The following MEGF11 variants were observed in gnomAD, a reference collection of about 807,000 sequenced individuals.
The protein encoded by MEGF11 is multiple EGF like domains 11, also known as multiple epidermal growth factor-like domains protein 11.
Under a neutral mutation model 146.6 loss-of-function variants are expected in MEGF11, and 126 were observed. The observed-to-expected ratio is 0.86, with a 90% CI of 0.74 to 1.00. The LOEUF (loss-of-function observed/expected upper bound fraction) is 1.00. MEGF11 is among the 50% of genes least tolerant of loss of function. The pLI is 0.00. For missense variants in MEGF11, 1,509 were observed against 1,521.2 expected (o/e 0.99, Z 0.13); for synonymous variants, 532 against 583.4 (o/e 0.91, Z 1.27).
chr15:66,167,186 C>T (rs1465930375), intron 1 of MEGF11, among the ~76,000 whole-genome samples: 1 of 152,150 alleles, frequency 6.6e-6, no homozygotes, highest in African/African-American at 2.4e-5. Context: ...TGGCTCCCAC[C>T]CTGGGGGTAA....
At chr15:66,222,339 A>G (rs1418450252) in intron 1 of MEGF11, among the ~76,000 whole-genome samples, 3 of 152,006 alleles carry the variant, frequency 2.0e-5, no homozygotes, top group Non-Finnish European at 2.9e-5. Context: ...CCTTCTCCAG[A>G]GCAAATTCTT....
Position 65,982,637 on chromosome 15 carries a change from C to T in MEGF11, c.395-149G>A, listed in dbSNP as rs115335840. The T allele has an allele frequency of 1.1e-3, 990 of 889,748 alleles. 14 individuals carry two copies. In the African/African-American group the frequency reaches 0.015, roughly 14 times the overall value. 55.1% of individuals were successfully genotyped at this position (889,748 alleles called of 1,614,324 possible). On this transcript the variant is annotated intron_variant, in intron 5 of 25. Coordinates refer to ENST00000395614, the MANE Select transcript of MEGF11 (RefSeq NM_001385028.1). The surrounding 1 kb of genome is among the most constrained non-coding windows in gnomAD (Gnocchi z 5.6). ...AAGGGGTGCCTGGAAGCTTTGGTGC[C>T]TCATAACCTGCATCAGTTCTTCCAC...
chr15:66,132,779 A>G (rs945223831), intron 1 of MEGF11, among the ~76,000 whole-genome samples: 4 of 152,034 alleles, frequency 2.6e-5, no homozygotes, highest in African/African-American at 9.7e-5. Context: ...CTCCCCTCCT[A>G]TATTTACCAC....
intron 15 of MEGF11, 123 bp from the exon 16 acceptor site, chr15:65,918,217 A>C (rs1362682850): frequency 1.4e-6 from 2 of 1,403,068 alleles, no homozygotes; most frequent in Non-Finnish European, 1.9e-6. Flanking sequence ...ATGGATCTGG[A>C]TGGAGACCAC....
intron 7 of MEGF11, among the ~76,000 whole-genome samples, chr15:65,979,392 T>C (rs2081557341): frequency 6.6e-6 from 1 of 152,220 alleles, no homozygotes; most frequent in African/African-American, 2.4e-5. Flanking sequence ...CCTGCATCGA[T>C]GGGCCCTGCA....
chr15:66,198,766 G>T (rs1056848530), intron 1 of MEGF11, among the ~76,000 whole-genome samples: 1 of 152,012 alleles, frequency 6.6e-6, no homozygotes, highest in Non-Finnish European at 1.5e-5. Context: ...TTACTGGTGT[G>T]AGCCACCGAG....
chr15:66,016,479 G>GTTTTT (rs58588643), intron 5 of MEGF11, among the ~76,000 whole-genome samples: 3 of 127,702 alleles, frequency 2.3e-5, no homozygotes, highest in Non-Finnish European at 3.2e-5. Context: ...CATCCATTCA[G>GTTTTT]TTTTTTTTTT....
chr15:66,169,358 C>T (rs188289073), intron 1 of MEGF11, among the ~76,000 whole-genome samples: 1 of 152,328 alleles, frequency 6.6e-6, no homozygotes, highest in East Asian at 1.9e-4. Context: ...AGCCCAGGCC[C>T]AGATGTCTAG....
chr15:66,039,447 T>C (rs1219065350), intron 5 of MEGF11, among the ~76,000 whole-genome samples: 1 of 152,198 alleles, frequency 6.6e-6, no homozygotes, highest in African/African-American at 2.4e-5. Context: ...GTGCATTTGC[T>C]CTCTAATGTG....
Position 65,909,164 on chromosome 15 carries a change from A to G in MEGF11, c.2897-29T>C, listed in dbSNP as rs1254865661. On this transcript the variant is annotated intron_variant, in intron 22 of 25. Coordinates refer to ENST00000395614, the MANE Select transcript of MEGF11 (RefSeq NM_001385028.1). ...GTGAGAGGAATGACAGGGAGGAGCC[A>G]TTATTCCCAGGGCCCTGGTATAGCA... is the stretch of plus-strand genomic sequence containing the variant. 5.5e-6 allele frequency: 8 copies of G among 1,444,482 alleles called. 1 individual carries two copies. The South Asian group carries it at 8.5e-5, about 15-fold the overall frequency. 89.5% of individuals were successfully genotyped at this position (1,444,482 alleles called of 1,614,324 possible). A position where few individuals can be genotyped will look rare whatever the true frequency, so the allele number is the denominator to read the frequency against.
chr15:66,185,835 A>T (rs2090681828), intron 1 of MEGF11, among the ~76,000 whole-genome samples: 1 of 152,164 alleles, frequency 6.6e-6, no homozygotes, highest in Admixed American at 6.5e-5. Flanking sequence ...CAGTCCTAGG[A>T]ATTAAAGAGG....
At chr15:66,088,144 AACAG>A (rs1420332430) in intron 5 of MEGF11, among the ~76,000 whole-genome samples, 1 of 152,230 alleles carries the variant, frequency 6.6e-6, no homozygotes, top group East Asian at 1.9e-4. Flanking sequence ...AGATACCCTG[AACAG>A]ACAAATAACA....
chr15:66,190,060 C>T (rs939879231), intron 1 of MEGF11, among the ~76,000 whole-genome samples: 11 of 152,120 alleles, frequency 7.2e-5, no homozygotes, highest in Admixed American at 2.0e-4. Flanking sequence ...ATCATCAGGA[C>T]GCTTTCAGAA....
intron 9 of MEGF11, among the ~76,000 whole-genome samples, chr15:65,958,701 C>T (rs1319313984): frequency 1.3e-5 from 2 of 152,168 alleles, no homozygotes; most frequent in Admixed American, 6.5e-5. Flanking sequence ...ACTCTTTCTC[C>T]CAACTTTCCT....
At chr15:65,962,628 G>T (rs561569698) in intron 9 of MEGF11, among the ~76,000 whole-genome samples, 1 of 152,340 alleles carries the variant, frequency 6.6e-6, no homozygotes, top group East Asian at 1.9e-4. Context: ...TAAAAAATAG[G>T]GTTGACGTCA....
intron 9 of MEGF11, among the ~76,000 whole-genome samples, chr15:65,959,757 T>C (rs889592209): frequency 2.0e-5 from 3 of 152,176 alleles, no homozygotes; most frequent in Non-Finnish European, 4.4e-5. Flanking sequence ...AGGCACGTTA[T>C]ATATATATTT....
intron 1 of MEGF11, among the ~76,000 whole-genome samples, chr15:66,212,108 G>A (rs950171788): frequency 1.0e-4 from 4 of 39,486 alleles, no homozygotes. Context: ...CTCCCGCAGG[G>A]CCTCCCATTG....
chr15:65,935,582 A>G (rs1053471113), intron 10 of MEGF11, among the ~76,000 whole-genome samples: 3 of 152,128 alleles, frequency 2.0e-5, no homozygotes, highest in Admixed American at 2.0e-4. Flanking sequence ...TTCTGTGTTG[A>G]TTGTTGTTGA....
At chr15:65,963,193 A>G (rs2080927230) in intron 9 of MEGF11, among the ~76,000 whole-genome samples, 1 of 152,182 alleles carries the variant, frequency 6.6e-6, no homozygotes, top group Non-Finnish European at 1.5e-5. Context: ...AGATTCTGGA[A>G]TCTTAATATT....
Sources: allele counts gnomAD v4.1 joint callset (sites outside exome capture counted in the v4.1 genomes callset), GRCh38; gene constraint gnomAD v4.1.1; non-coding constraint Gnocchi (gnomAD v3.1); transcripts MANE v1.5; gene names NCBI Gene and HGNC (gene_info 2026-07-23, HGNC 2026-07-21).